The following CDH13 variants were observed in gnomAD, a reference collection of about 807,000 sequenced individuals.
The protein encoded by CDH13 is cadherin 13.
A neutral mutation model predicts 63.8 loss-of-function variants in CDH13; 24 were observed. The observed-to-expected ratio is 0.38, with a 90% CI of 0.27 to 0.53. The LOEUF (loss-of-function observed/expected upper bound fraction) is 0.53, where lower values mean the gene tolerates loss of function less well. Ranked by LOEUF, CDH13 falls within the 20% of genes least tolerant of loss-of-function variation. The probability of loss-of-function intolerance (pLI) is 0.85; values close to 1 mark genes in which losing one functional copy is unlikely to be tolerated. For missense variants in CDH13, 1,049 were observed against 903.1 expected (o/e 1.16, Z -2.07); for synonymous variants, 503 against 355.3 (o/e 1.42, Z -4.67).
At chr16:82,902,442 T>G (rs1280504641) in intron 2 of CDH13, among the ~76,000 whole-genome samples, 9 of 151,938 alleles carry the variant, frequency 5.9e-5, no homozygotes, top group Non-Finnish European at 1.0e-4. Context: ...CAGGATACAT[T>G]GGTCTTTGAC....
chr16:83,173,885 C>T (rs147203564), intron 4 of CDH13, among the ~76,000 whole-genome samples: 61 of 152,230 alleles, frequency 4.0e-4, no homozygotes, highest in African/African-American at 1.4e-3. Flanking sequence ...ACTCTGCTTC[C>T]TGTCTCTTAT....
intron 8 of CDH13, among the ~76,000 whole-genome samples, chr16:83,648,917 C>G (rs189248897): frequency 6.6e-6 from 1 of 152,230 alleles, no homozygotes; most frequent in African/African-American, 2.4e-5. Flanking sequence ...TTTTTCTGCA[C>G]TCTATCCCCA....
chr16:82,985,141 G>GAATCCTTACAGAAAGAA lies in CDH13; in HGVS notation c.158-46855_158-46854insGAAAATCCTTACAGAAA, dbSNP rs538724907. On this transcript the variant is annotated intron_variant, in intron 2 of 13. Coordinates refer to ENST00000567109, the MANE Select transcript of CDH13 (RefSeq NM_001257.5). ...TGTATTTCTCATAAGTGTTGAAAAG[G>GAATCCTTACAGAAAGAA]AATCCTTACAGAAATACATTACTTT... 3.6e-3 allele frequency among the ~76,000 whole-genome samples: 553 copies of GAATCCTTACAGAAAGAA among 152,232 alleles called. 2 individuals carry two copies. The highest frequency in any genetic ancestry group is 0.012 in the African/African-American group (512 of 41,538).
chr16:83,545,354 G>A (rs980813592), intron 7 of CDH13, among the ~76,000 whole-genome samples: 4 of 152,206 alleles, frequency 2.6e-5, no homozygotes, highest in African/African-American at 4.8e-5. Flanking sequence ...TACAAATTAT[G>A]TTCCTCTCTC....
intron 4 of CDH13, among the ~76,000 whole-genome samples, chr16:83,131,454 A>G (rs538199820): frequency 9.2e-5 from 14 of 152,294 alleles, no homozygotes; most frequent in Admixed American, 7.2e-4. Context: ...TGCAGATCCC[A>G]AAGTGGCTTT....
chr16:83,094,492 G>A (rs2034094143), intron 3 of CDH13, among the ~76,000 whole-genome samples: 1 of 152,184 alleles, frequency 6.6e-6, no homozygotes, highest in Admixed American at 6.5e-5. Context: ...CTCAGGACAA[G>A]GAGCTGAGGT....
At chr16:83,538,074 C>T (rs529949927) in intron 7 of CDH13, among the ~76,000 whole-genome samples, 25 of 152,188 alleles carry the variant, frequency 1.6e-4, no homozygotes, top group East Asian at 5.8e-4. Flanking sequence ...GTTGAATATG[C>T]GCTATGTTTT....
intron 4 of CDH13, among the ~76,000 whole-genome samples, chr16:83,191,528 C>CATATATATATATATATATAT (rs1479803621): frequency 1.0e-4 from 7 of 70,082 alleles, no homozygotes; most frequent in East Asian, 7.3e-4. Context: ...CACACACACA[C>CATATATATATATATATATAT]ACATATATAT....
intron 1 of CDH13, among the ~76,000 whole-genome samples, chr16:82,818,973 CTG>C (rs1443317377): frequency 6.6e-6 from 1 of 152,188 alleles, no homozygotes; most frequent in African/African-American, 2.4e-5. Context: ...TAATCATAAA[CTG>C]TGGCTTTGCC....
intron 3 of CDH13, among the ~76,000 whole-genome samples, chr16:83,048,190 CAA>C (rs1161512632): frequency 6.6e-6 from 1 of 152,156 alleles, no homozygotes; most frequent in Admixed American, 6.5e-5. Context: ...GATATGAACA[CAA>C]GTTGGTTACT....
At chr16:83,421,565 G>C (rs1415179052) in intron 6 of CDH13, among the ~76,000 whole-genome samples, 1 of 152,222 alleles carries the variant, frequency 6.6e-6, no homozygotes, top group African/African-American at 2.4e-5. Context: ...GGGCAATGGA[G>C]AGAAGATTCA....
rs192871164 is a variant in CDH13 at position 83,552,993 on chromosome 16, C to T, written c.961-49461C>T. Among the ~76,000 whole-genome samples, 1,061 of 151,564 alleles carry T rather than the reference C, an allele frequency of 7.0e-3. 25 individuals carry two copies. Among genetic ancestry groups the T allele is most frequent in the Middle Eastern group, 0.014 (4 of 294 alleles). ...ATTCGGGAGGCTGAGGCAGGAGAAT[C>T]ACTTGAACCCAGGAGGCAGAGGTTG... On this transcript the variant is annotated intron_variant, in intron 7 of 13. Transcript: ENST00000567109.
At chr16:82,956,453 C>T (rs1322585608) in intron 2 of CDH13, among the ~76,000 whole-genome samples, 5 of 152,128 alleles carry the variant, frequency 3.3e-5, no homozygotes, top group African/African-American at 4.8e-5. Context: ...ATCGTTATTA[C>T]CCCCAGGTTT....
chr16:83,231,202 C>G (rs1390094170), intron 5 of CDH13, among the ~76,000 whole-genome samples: 2 of 152,170 alleles, frequency 1.3e-5, no homozygotes, highest in African/African-American at 4.8e-5. Flanking sequence ...CCTCACTTCC[C>G]TCTTCTCTAT....
chr16:82,905,799 A>G (rs1014952490), intron 2 of CDH13, among the ~76,000 whole-genome samples: 1 of 152,212 alleles, frequency 6.6e-6, no homozygotes, highest in South Asian at 2.1e-4. Context: ...GTGTGTATTT[A>G]TTTTGCACTT....
intron 2 of CDH13, among the ~76,000 whole-genome samples, chr16:82,967,528 AGTG>A (rs1469603579): frequency 6.6e-6 from 1 of 152,210 alleles, no homozygotes; most frequent in Non-Finnish European, 1.5e-5. Flanking sequence ...AAATGCATTA[AGTG>A]CCCATTTCCC....
intron 4 of CDH13, among the ~76,000 whole-genome samples, chr16:83,216,431 T>A (rs1275393099): frequency 5.2e-5 from 6 of 116,332 alleles, no homozygotes; most frequent in African/African-American, 1.2e-4. Context: ...TATATATATA[T>A]ATATATATAT....
intron 4 of CDH13, among the ~76,000 whole-genome samples, chr16:83,206,656 C>T (rs559752868): frequency 3.3e-5 from 5 of 152,224 alleles, no homozygotes; most frequent in African/African-American, 4.8e-5. Context: ...GGCCACTGCT[C>T]CTAGGACCAC....
intron 6 of CDH13, among the ~76,000 whole-genome samples, chr16:83,391,822 G>A (rs2091792580): frequency 6.6e-6 from 1 of 152,142 alleles, no homozygotes; most frequent in African/African-American, 2.4e-5. Context: ...TTTGACACAG[G>A]GTCTGCATTG....
Sources: gnomAD v4.1 joint callset for allele counts (sites outside exome capture counted in the v4.1 genomes callset) on GRCh38, gnomAD v4.1.1 for gene constraint, MANE v1.5 for transcripts, NCBI Gene and HGNC (gene_info 2026-07-23, HGNC 2026-07-21) for gene names.